LINGO2: variants seen among roughly 807,000 people sequenced by gnomAD.
LINGO2 encodes the protein leucine-rich repeat and immunoglobulin-like domain-containing nogo receptor-interacting protein 2.
LINGO2 carries 14 observed loss-of-function variants against 30.6 expected under a neutral mutation model. The observed-to-expected ratio is 0.46, with a 90% CI of 0.30 to 0.72. The LOEUF is 0.72. LINGO2 is among the 30% of genes least tolerant of loss of function. LINGO2 has a pLI of 0.07. For synonymous variants in LINGO2, 317 were observed against 288.5 expected (o/e 1.10, Z -1.00); for missense variants, 729 against 751.7 (o/e 0.97, Z 0.35).
chr9:28,527,982 C>A (rs1026994581), intron 1 of LINGO2, among the ~76,000 whole-genome samples: 3 of 152,122 alleles, frequency 2.0e-5, no homozygotes, highest in Non-Finnish European at 2.9e-5. Context: ...CTTACTAGTT[C>A]CAAACTAATT....
At chr9:28,926,064 T>C in the LINGO2 span, among the ~76,000 whole-genome samples, 1 of 152,112 alleles carries the variant, frequency 6.6e-6, no homozygotes, top group African/African-American at 2.4e-5. Flanking sequence ...CCTATAATCC[T>C]AGCACTTTGG....
intron 1 of LINGO2, among the ~76,000 whole-genome samples, chr9:28,525,815 G>T (rs1371228808): frequency 1.3e-5 from 2 of 152,110 alleles, no homozygotes; most frequent in Non-Finnish European, 2.9e-5. Context: ...CAGCACTTTG[G>T]GAGGCCAAGG....
rs1201547858 is a variant in LINGO2, at chr9:28,130,636, T to G, written c.-86-118231A>C. On this transcript the variant is annotated intron_variant, in intron 4 of 5. Coordinates refer to ENST00000379992, the Ensembl canonical transcript of LINGO2. This position sits in a 1 kb window ranked among gnomAD's most constrained non-coding sequence, Gnocchi z 5.2. ...TCAGAAAGCACATCATAAAAGTCAT[T>G]AATAAATATAATAATAGTGTCATGG... 6.6e-6 allele frequency among the ~76,000 whole-genome samples: 1 copy of G among 152,098 alleles called. No homozygotes were observed. Among genetic ancestry groups the G allele is most frequent in the East Asian group, 1.9e-4 (1 of 5,190 alleles).
chr9:28,238,257 C>T (rs1344763205), intron 4 of LINGO2, among the ~76,000 whole-genome samples: 2 of 151,964 alleles, frequency 1.3e-5, no homozygotes, highest in African/African-American at 4.8e-5. Context: ...ACAACAACAA[C>T]AACAAAAAAT....
intron 4 of LINGO2, among the ~76,000 whole-genome samples, chr9:28,291,956 A>G (rs1348149789): frequency 1.3e-5 from 2 of 152,238 alleles, no homozygotes; most frequent in South Asian, 2.1e-4. Flanking sequence ...GACACATTGC[A>G]TATAGGAGAA....
chr9:28,301,983 C>G (rs1234020154), intron 3 of LINGO2, among the ~76,000 whole-genome samples: 1 of 152,120 alleles, frequency 6.6e-6, no homozygotes, highest in Non-Finnish European at 1.5e-5. Flanking sequence ...AACTAAGCTT[C>G]CTCTGTGAAG....
chr9:28,412,814 A>G (rs1411178350), intron 2 of LINGO2, among the ~76,000 whole-genome samples: 2 of 152,048 alleles, frequency 1.3e-5, no homozygotes, highest in African/African-American at 4.8e-5. Context: ...AGTTCACTTT[A>G]CCCTTGAGCA....
At chr9:28,606,644 C>T (rs1217772968) in intron 1 of LINGO2, among the ~76,000 whole-genome samples, 1 of 151,982 alleles carries the variant, frequency 6.6e-6, no homozygotes, top group Non-Finnish European at 1.5e-5. Flanking sequence ...ATTTGTTACT[C>T]TTAAACAAGA....
chr9:27,986,180 G>A (rs1386264105), intron 5 of LINGO2, among the ~76,000 whole-genome samples: 4 of 151,178 alleles, frequency 2.6e-5, no homozygotes, highest in Non-Finnish European at 5.9e-5. Flanking sequence ...AACAGCCAGA[G>A]AAGACAGAAA....
intron 3 of LINGO2, among the ~76,000 whole-genome samples, chr9:28,297,910 T>A (rs1823984232): frequency 1.3e-5 from 2 of 152,186 alleles, no homozygotes; most frequent in South Asian, 4.1e-4. Context: ...GACTTTTGTG[T>A]GTGCGGGGGT....
chr9:28,055,553 G>A (rs768633194), intron 4 of LINGO2, among the ~76,000 whole-genome samples: 16 of 152,108 alleles, frequency 1.1e-4, no homozygotes, highest in Admixed American at 3.3e-4. Context: ...ACTTTGAATT[G>A]GAATTCTTCG....
chr9:28,776,996 G>A, the LINGO2 span, among the ~76,000 whole-genome samples: 1 of 151,906 alleles, frequency 6.6e-6, no homozygotes, highest in South Asian at 2.1e-4. Context: ...GAGTTCTCAC[G>A]AGATCTGGTT....
chr9:29,032,183 G>C, the LINGO2 span, among the ~76,000 whole-genome samples: 1 of 152,128 alleles, frequency 6.6e-6, no homozygotes, highest in Admixed American at 6.5e-5. Flanking sequence ...GATTAATACA[G>C]AAGGCATATT....
chr9:28,161,200 G>C (rs1030854764), intron 4 of LINGO2, among the ~76,000 whole-genome samples: 1 of 152,074 alleles, frequency 6.6e-6, no homozygotes, highest in African/African-American at 2.4e-5. Context: ...TGTTGATACC[G>C]GTGGTCAGTA....
the LINGO2 span, among the ~76,000 whole-genome samples, chr9:29,065,106 T>C: frequency 5.9e-5 from 9 of 152,074 alleles, no homozygotes; most frequent in Non-Finnish European, 1.0e-4. Flanking sequence ...AGCCCTAAGA[T>C]ACTCTCTCTA....
At chr9:28,057,021 T>G (rs1824963060) in intron 4 of LINGO2, among the ~76,000 whole-genome samples, 1 of 152,148 alleles carries the variant, frequency 6.6e-6, no homozygotes, top group East Asian at 1.9e-4. Context: ...ATAAAATAAC[T>G]AAAGAGTACC....
intron 1 of LINGO2, among the ~76,000 whole-genome samples, chr9:28,570,617 A>T (rs1823640572): frequency 1.3e-5 from 2 of 151,782 alleles, no homozygotes; most frequent in Admixed American, 1.3e-4. Context: ...GCAAAAAAAA[A>T]AACACCGTGT....
chr9:28,079,189 A>G (rs1825707302), intron 4 of LINGO2, among the ~76,000 whole-genome samples: 1 of 135,240 alleles, frequency 7.4e-6, no homozygotes, highest in South Asian at 2.1e-4. Context: ...CTGCCTAAAA[A>G]GATGAAATTT....
chr9:28,020,121 C>A (rs1364635503), intron 4 of LINGO2, among the ~76,000 whole-genome samples: 4 of 152,144 alleles, frequency 2.6e-5, no homozygotes, highest in African/African-American at 9.7e-5. Context: ...TCTGAATGAG[C>A]CATCTCTGCG....
Sources: allele counts gnomAD v4.1 joint callset (sites outside exome capture counted in the v4.1 genomes callset), GRCh38; gene constraint gnomAD v4.1.1; non-coding constraint Gnocchi (gnomAD v3.1); transcripts MANE v1.5; gene names NCBI Gene and HGNC (gene_info 2026-07-23, HGNC 2026-07-21).